DENND2A: variants seen among roughly 807,000 people sequenced by gnomAD.
DENND2A encodes DENN domain containing 2A, also known as DENN domain-containing protein 2A.
Under a neutral mutation model 105.3 loss-of-function variants are expected in DENND2A, and 53 were observed. That is an observed-to-expected ratio of 0.50 (90% CI 0.40 to 0.63). The LOEUF is 0.63. Among genes scored for constraint, DENND2A ranks in the 30% least tolerant of loss-of-function variants. DENND2A has a pLI of 0.00. For missense variants in DENND2A, 1,138 were observed against 1,279.6 expected (o/e 0.89, Z 1.69); for synonymous variants, 522 against 508.4 (o/e 1.03, Z -0.36).
At chr7:140,574,694 C>T (rs1330355064) in intron 5 of DENND2A, among the ~76,000 whole-genome samples, 1 of 152,054 alleles carries the variant, frequency 6.6e-6, no homozygotes, top group African/African-American at 2.4e-5. Context: ...TTTCTTTGGC[C>T]CTCAATATCT....
intron 12 of DENND2A, among the ~76,000 whole-genome samples, chr7:140,548,511 G>A (rs954023495): frequency 6.6e-6 from 1 of 152,040 alleles, no homozygotes; most frequent in Non-Finnish European, 1.5e-5. Flanking sequence ...AACATAGTGA[G>A]ACCCAGTCTC....
intron 1 of DENND2A, among the ~76,000 whole-genome samples, chr7:140,626,548 C>T (rs554322018): frequency 2.0e-5 from 3 of 152,244 alleles, no homozygotes. Flanking sequence ...CCGTAGGTCA[C>T]GTTCGTTTGC....
Position 140,581,365 on chromosome 7 carries a change from C to T in DENND2A, c.1245+4224G>A, listed in dbSNP as rs554628534. 5.3e-5 allele frequency among the ~76,000 whole-genome samples: 8 copies of T among 152,350 alleles called. No homozygotes were observed. The South Asian group carries it at 8.3e-4, about 16-fold the overall frequency. On this transcript the variant is annotated intron_variant, in intron 5 of 19. Transcript: ENST00000496613. The stretch of plus-strand genomic sequence containing the variant: ...GTTCAGCAGCAGCAGCATCTGCCCG[C>T]AGCTACACATTGGTCCTTTCTGAGG...
At chr7:140,589,930 TC>T (rs1452183268) in intron 3 of DENND2A, among the ~76,000 whole-genome samples, 1 of 152,242 alleles carries the variant, frequency 6.6e-6, no homozygotes, top group African/African-American at 2.4e-5. Flanking sequence ...TTTTAAAATC[TC>T]ATTGGAAACA....
chr7:140,557,537 T>A (rs373662616), intron 11 of DENND2A, among the ~76,000 whole-genome samples: 491 of 25,322 alleles, frequency 0.019, no homozygotes, highest in Non-Finnish European at 0.028. Context: ...ATATATTTTT[T>A]TTTTTTTTTT....
At chr7:140,592,901 A>T (rs185508914) in intron 3 of DENND2A, among the ~76,000 whole-genome samples, 3 of 152,100 alleles carry the variant, frequency 2.0e-5, no homozygotes, top group African/African-American at 7.2e-5. Context: ...CCATGCCCGG[A>T]CCACCTAGCA....
chr7:140,588,860 A>G (rs1395750896), intron 3 of DENND2A, among the ~76,000 whole-genome samples: 1 of 148,820 alleles, frequency 6.7e-6, no homozygotes, highest in East Asian at 2.0e-4. Flanking sequence ...CTCCTGCCTC[A>G]GCCTCCCGAG....
chr7:140,567,306 GAGAGA>G lies in DENND2A; in HGVS notation c.1592-38_1592-34del, dbSNP rs779737670. The stretch of plus-strand genomic sequence containing the variant: ...AGGGAGGGAGAGAGAAAGAGAGAAA[GAGAGA>G]GAGAGAGAGAGAGAGAGAGAGAGAG... On this transcript the variant is annotated intron_variant, in intron 8 of 19. Coordinates refer to ENST00000496613, the MANE Select transcript of DENND2A (RefSeq NM_015689.5). 13 of 466,560 alleles carry G rather than the reference GAGAGA, an allele frequency of 2.8e-5. No homozygotes were observed. The African/African-American group carries it at 3.8e-4, about 14-fold the overall frequency. 28.9% of individuals were successfully genotyped at this position (466,560 alleles called of 1,614,324 possible).
chr7:140,554,211 C>A (rs558962150), intron 12 of DENND2A, among the ~76,000 whole-genome samples: 1 of 149,524 alleles, frequency 6.7e-6, no homozygotes, highest in African/African-American at 2.5e-5. Context: ...GGCGACAGAA[C>A]GAGACTCCGT....
chr7:140,611,057 A>T (rs9691566), intron 1 of DENND2A, among the ~76,000 whole-genome samples: 64,740 of 151,914 alleles, frequency 0.43, 16,718 homozygotes, highest in African/African-American at 0.73. Flanking sequence ...TATTATTATT[A>T]TTTTTTGAGA....
chr7:140,531,283 C>T (rs771653661), intron 14 of DENND2A, among the ~76,000 whole-genome samples: 2 of 152,146 alleles, frequency 1.3e-5, no homozygotes, highest in African/African-American at 2.4e-5. Flanking sequence ...AGTTGCTATG[C>T]TCGTGTGCTA....
intron 14 of DENND2A, among the ~76,000 whole-genome samples, chr7:140,535,688 TCTC>T (rs1439709293): frequency 3.3e-5 from 5 of 152,180 alleles, no homozygotes; most frequent in Admixed American, 3.3e-4. Flanking sequence ...TTCAAGCGAT[TCTC>T]CTATCTCAGC....
At position 140,591,711 on chromosome 7, in the gene DENND2A, TTC is replaced by T. The variant is rs148130974; in HGVS notation, c.996-3933_996-3932del. 7.8e-4 allele frequency among the ~76,000 whole-genome samples: 114 copies of T among 146,672 alleles called. 1 individual carries two copies. Among genetic ancestry groups the T allele is most frequent in the Middle Eastern group, 3.5e-3 (1 of 286 alleles). ...TTTCTTTCCTTCCTTCCTTCCTTCT[TTC>T]TCTCTCTTTCCTTTCCTTTCTCTCT... is the stretch of plus-strand genomic sequence containing the variant. On this transcript the variant is annotated intron_variant, in intron 3 of 19. Coordinates refer to ENST00000496613, the MANE Select transcript of DENND2A (RefSeq NM_015689.5).
chr7:140,606,839 C>T (rs951572337), intron 1 of DENND2A, among the ~76,000 whole-genome samples: 1 of 152,174 alleles, frequency 6.6e-6, no homozygotes, highest in Non-Finnish European at 1.5e-5. Context: ...TGCCTGGCCC[C>T]CATATAAACT....
intron 1 of DENND2A, among the ~76,000 whole-genome samples, chr7:140,615,703 A>T (rs770652310): frequency 2.8e-5 from 4 of 142,468 alleles, no homozygotes; most frequent in Non-Finnish European, 6.2e-5. Flanking sequence ...CTGTCCGGCT[A>T]TTTTTTTTTT....
At chr7:140,616,089 G>A (rs916663566) in intron 1 of DENND2A, among the ~76,000 whole-genome samples, 14 of 152,148 alleles carry the variant, frequency 9.2e-5, no homozygotes, top group Non-Finnish European at 1.9e-4. Context: ...AATCCTGGCC[G>A]GGCGTGGTGG....
chr7:140,623,933 A>G (rs1373947102), intron 1 of DENND2A, among the ~76,000 whole-genome samples: 1 of 152,214 alleles, frequency 6.6e-6, no homozygotes, highest in African/African-American at 2.4e-5. Flanking sequence ...AATGGCAGGT[A>G]TACCTTCTTC....
chr7:140,537,605 C>T (rs1796495980), intron 14 of DENND2A, among the ~76,000 whole-genome samples: 1 of 152,214 alleles, frequency 6.6e-6, no homozygotes. Context: ...GCATGCCCAG[C>T]TCATAAATTC....
chr7:140,611,823 T>C (rs1563177816), intron 1 of DENND2A, among the ~76,000 whole-genome samples: 1 of 152,316 alleles, frequency 6.6e-6, no homozygotes, highest in East Asian at 1.9e-4. Context: ...GGAGAAATTG[T>C]TCCTCGTTGC....
Sources: gnomAD v4.1 joint callset for allele counts (sites outside exome capture counted in the v4.1 genomes callset) on GRCh38, gnomAD v4.1.1 for gene constraint, MANE v1.5 for transcripts, NCBI Gene and HGNC (gene_info 2026-07-23, HGNC 2026-07-21) for gene names.